GPC5: variants seen among roughly 807,000 people sequenced by gnomAD.
GPC5 encodes glypican-5.
GPC5 carries 47 observed loss-of-function variants against 53.9 expected under a neutral mutation model. The ratio of observed to expected loss-of-function variants is 0.87; its 90% CI spans 0.69 to 1.11. The LOEUF is 1.11. GPC5 is among the 50% of genes most tolerant of loss of function. The pLI is 0.00. For missense variants in GPC5, 748 were observed against 713.1 expected (o/e 1.05, Z -0.56); for synonymous variants, 286 against 263.3 (o/e 1.09, Z -0.84).
chr13:91,693,944 C>T (rs942061492), intron 3 of GPC5, 63 bp downstream of exon 3: 7 of 1,246,346 alleles, frequency 5.6e-6, no homozygotes, highest in Non-Finnish European at 7.9e-6. Flanking sequence ...CCATGATATA[C>T]TTTAGGAAAT....
intron 7 of GPC5, chr13:92,240,794 A>G (rs1324546450): frequency 6.6e-6 from 1 of 152,184 alleles, no homozygotes; most frequent in Non-Finnish European, 1.5e-5. Flanking sequence ...GTGAGTCACC[A>G]TGCCTGGCCA....
At chr13:92,280,162 T>G (rs1340828828) in intron 7 of GPC5, among the ~76,000 whole-genome samples, 2 of 152,122 alleles carry the variant, frequency 1.3e-5, no homozygotes, top group Non-Finnish European at 2.9e-5. Context: ...CTAGATTATC[T>G]AATTTGTTGT....
At chr13:92,708,640 A>G (rs1775328324) in intron 7 of GPC5, among the ~76,000 whole-genome samples, 1 of 152,026 alleles carries the variant, frequency 6.6e-6, no homozygotes, top group Admixed American at 6.6e-5. Context: ...AAAGTTTGAT[A>G]GTAGGGTTAG....
At chr13:91,814,816 C>G (rs1173536407) in intron 5 of GPC5, among the ~76,000 whole-genome samples, 1 of 152,166 alleles carries the variant, frequency 6.6e-6, no homozygotes, top group African/African-American at 2.4e-5. Flanking sequence ...ACTGAGATTA[C>G]AGGCATAAGC....
intron 7 of GPC5, among the ~76,000 whole-genome samples, chr13:92,436,254 G>T (rs963558218): frequency 6.6e-6 from 1 of 152,064 alleles, no homozygotes; most frequent in African/African-American, 2.4e-5. Context: ...ATTGTGGAAA[G>T]TCTCTTAGAT....
At chr13:91,682,068 A>C (rs2035521012) in intron 2 of GPC5, among the ~76,000 whole-genome samples, 1 of 152,184 alleles carries the variant, frequency 6.6e-6, no homozygotes, top group Non-Finnish European at 1.5e-5. Flanking sequence ...TCTGGAACCA[A>C]ATACTCAGGG....
At chr13:92,158,094 A>G (rs190904263) in intron 7 of GPC5, among the ~76,000 whole-genome samples, 1 of 152,294 alleles carries the variant, frequency 6.6e-6, no homozygotes, top group East Asian at 1.9e-4. Flanking sequence ...TCAATAGAGG[A>G]CCAAAGATAA....
chr13:92,563,983 C>A (rs1306805957), intron 7 of GPC5, among the ~76,000 whole-genome samples: 4 of 83,482 alleles, frequency 4.8e-5, no homozygotes, highest in Non-Finnish European at 9.8e-5. Context: ...AACTACTATG[C>A]ACTTAATTTT....
intron 5 of GPC5, among the ~76,000 whole-genome samples, chr13:91,773,215 A>C (rs1372201678): frequency 1.3e-5 from 2 of 152,200 alleles, no homozygotes; most frequent in African/African-American, 4.8e-5. Flanking sequence ...TTAGATATTT[A>C]GTAACACCGA....
chr13:92,711,481 G>A (rs977585928), intron 7 of GPC5, among the ~76,000 whole-genome samples: 17 of 151,978 alleles, frequency 1.1e-4, no homozygotes, highest in African/African-American at 3.9e-4. Flanking sequence ...GATTGTTGAA[G>A]AGACAAACCT....
At position 91,989,019 on chromosome 13, in the gene GPC5, T is replaced by A. The variant is rs144479715; in HGVS notation, c.1401+80962T>A. ...GTGGCTTTCTCATTTCACATGACAG[T>A]AAAAATACAAAACACAACAAAAAGC... On this transcript the variant is annotated intron_variant, in intron 6 of 7. Coordinates refer to ENST00000377067, the MANE Select transcript of GPC5 (RefSeq NM_004466.6). Among the ~76,000 whole-genome samples the A allele has an allele frequency of 1.1e-3, 158 of 149,866 alleles. 1 individual carries two copies. Among genetic ancestry groups the A allele is most frequent in the Admixed American group, 1.8e-3 (28 of 15,238 alleles).
At chr13:92,424,816 A>G (rs1876756778) in intron 7 of GPC5, among the ~76,000 whole-genome samples, 2 of 91,838 alleles carry the variant, frequency 2.2e-5, no homozygotes, top group Admixed American at 1.2e-4. Context: ...TCATCTATTC[A>G]TTCATTCATT....
chr13:92,616,486 G>A (rs186130335), intron 7 of GPC5, among the ~76,000 whole-genome samples: 19 of 152,242 alleles, frequency 1.2e-4, no homozygotes, highest in South Asian at 2.1e-4. Flanking sequence ...ATTGTACAGC[G>A]ATTTATGAAT....
In GPC5 at chr13:91,686,933, A is replaced by G. The variant is rs111323721; in HGVS notation, c.326-6254A>G. 4.6e-5 allele frequency among the ~76,000 whole-genome samples: 7 copies of G among 151,990 alleles called. 1 individual carries two copies. Among genetic ancestry groups the G allele is most frequent in the African/African-American group, 1.4e-4 (6 of 41,450 alleles). ...AAAATTTCTCTTCAATCAGATATAC[A>G]TTGTAAAATCATCTGATTTTCTATG... On this transcript the variant is annotated intron_variant, in intron 2 of 7. Transcript: ENST00000377067.
chr13:92,730,277 C>A (rs1308299025), intron 7 of GPC5, among the ~76,000 whole-genome samples: 2 of 150,910 alleles, frequency 1.3e-5, no homozygotes, highest in Non-Finnish European at 3.0e-5. Flanking sequence ...CAAAGTTTAC[C>A]CCCATCACCA....
intron 7 of GPC5, among the ~76,000 whole-genome samples, chr13:92,353,545 T>G (rs982410997): frequency 5.3e-5 from 8 of 152,148 alleles, no homozygotes; most frequent in African/African-American, 1.9e-4. Flanking sequence ...AGAGGTAAGA[T>G]TGAAAGGAAG....
chr13:92,578,723 C>T (rs1209743082), intron 7 of GPC5, among the ~76,000 whole-genome samples: 2 of 152,122 alleles, frequency 1.3e-5, no homozygotes, highest in African/African-American at 2.4e-5. Flanking sequence ...TAATCCCTTC[C>T]GGAAACATCC....
At chr13:92,224,440 G>A (rs778594299) in intron 7 of GPC5, among the ~76,000 whole-genome samples, 2 of 152,178 alleles carry the variant, frequency 1.3e-5, no homozygotes, top group African/African-American at 4.8e-5. Context: ...GTACAAACGA[G>A]AATTAACACA....
At chr13:92,269,600 A>G (rs531932936) in intron 7 of GPC5, among the ~76,000 whole-genome samples, 16 of 151,822 alleles carry the variant, frequency 1.1e-4, no homozygotes, top group African/African-American at 3.6e-4. Context: ...TAGAGACGGG[A>G]TTTCACCATG....
Sources: gnomAD v4.1 joint callset for allele counts (sites outside exome capture counted in the v4.1 genomes callset) on GRCh38, gnomAD v4.1.1 for gene constraint, MANE v1.5 for transcripts, NCBI Gene and HGNC (gene_info 2026-07-23, HGNC 2026-07-21) for gene names.